The following AGAP1 variants were observed in gnomAD, a reference collection of about 807,000 sequenced individuals.
AGAP1 encodes the protein ArfGAP with GTPase domain, ankyrin repeat and PH domain 1, also known as arf-GAP with GTPase, ANK repeat and PH domain-containing protein 1.
A neutral mutation model predicts 105.3 loss-of-function variants in AGAP1; 29 were observed. That is an observed-to-expected ratio of 0.28 (90% confidence interval 0.21 to 0.38). The LOEUF is 0.38. AGAP1 is among the 10% of genes least tolerant of loss of function. The probability of loss-of-function intolerance (pLI) is 1.00; values close to 1 mark genes in which losing one functional copy is unlikely to be tolerated. For synonymous variants in AGAP1, 509 were observed against 485.9 expected (o/e 1.05, Z -0.63); for missense variants, 998 against 1,165.1 (o/e 0.86, Z 2.09).
chr2:235,562,132 T>A (rs1165967055), intron 1 of AGAP1, among the ~76,000 whole-genome samples: 2 of 152,208 alleles, frequency 1.3e-5, no homozygotes, highest in African/African-American at 4.8e-5. Context: ...AGGAAATCAG[T>A]TTTTAGTTAA....
intron 1 of AGAP1, among the ~76,000 whole-genome samples, chr2:235,579,222 A>C (rs982275602): frequency 6.6e-6 from 1 of 152,182 alleles, no homozygotes; most frequent in Admixed American, 6.5e-5. Flanking sequence ...AGTTCTATTT[A>C]TGCCCAGCTG....
At position 235,891,422 on chromosome 2, in the gene AGAP1, G is replaced by A. The variant is rs1344170271; in HGVS notation, c.1155+7973G>A. The stretch of plus-strand genomic sequence containing the variant: ...TCTCATGGTTTTCAGACACTTTGCT[G>A]GATCACAGTTCAGGTGGATCGAGGG... On this transcript the variant is annotated intron_variant, in intron 10 of 17. Coordinates refer to ENST00000304032, the MANE Select transcript of AGAP1 (RefSeq NM_001037131.3). This position sits in a 1 kb window ranked among gnomAD's most constrained non-coding sequence, Gnocchi z 4.2. 6.6e-6 allele frequency among the ~76,000 whole-genome samples: 1 copy of A among 152,128 alleles called. No individual in the cohort carries two copies. The highest frequency in any genetic ancestry group is 1.5e-5 in the Non-Finnish European group (1 of 68,030).
rs556011363 is a variant in AGAP1, at chr2:236,121,655, A to T, written c.2370+1208A>T. Among the ~76,000 whole-genome samples the T allele has an allele frequency of 6.6e-5, 10 of 152,234 alleles. No homozygotes were observed. The East Asian group carries it at 1.9e-3, about 29-fold the overall frequency. On this transcript the variant is annotated intron_variant, in intron 17 of 17. Coordinates refer to ENST00000304032, the MANE Select transcript of AGAP1 (RefSeq NM_001037131.3). The surrounding 1 kb of genome is among the most constrained non-coding windows in gnomAD (Gnocchi z 4.9). ...TGAATGAGTGAGATATAGACACTACACCAAAATCACACAGATACTCCCTTT... is the reference window on the plus strand; with the variant it reads ...TGAATGAGTGAGATATAGACACTACTCCAAAATCACACAGATACTCCCTTT...
intron 11 of AGAP1, among the ~76,000 whole-genome samples, 169 bp downstream of exon 11, chr2:235,909,075 C>G (rs894641648): frequency 6.6e-6 from 1 of 152,192 alleles, no homozygotes; most frequent in Non-Finnish European, 1.5e-5. Flanking sequence ...TTTAAACTTT[C>G]AGTTCCGCAA....
rs1001257055 is a variant in AGAP1 at position 235,494,769 on chromosome 2, A to G, written c.83A>G (p.Tyr28Cys). 6.3e-7 allele frequency: 1 copy of G among 1,579,218 alleles called. No homozygotes were observed. The highest frequency in any genetic ancestry group is 1.8e-5 in the Admixed American group (1 of 56,600). Reference sequence around the variant, plus strand: ...TTCGAGTCGGTCCACCCCAACATCTACTCCATCTACGAGCTGCTGGAGCGC... The same window carrying G: ...TTCGAGTCGGTCCACCCCAACATCTGCTCCATCTACGAGCTGCTGGAGCGC... ...QRFESVHPNI[Y>C]SIYELLERVE... The change falls in exon 1 of 18, where the codon TAC (tyrosine) becomes TGC (cysteine). Residue 28 changes from tyrosine to cysteine, a missense_variant. Physicochemically the swap from Tyr to Cys is radical, Grantham distance 194 (BLOSUM62 -2). This residue lies in a region of AGAP1 where 735 missense variants were observed against 833.4 expected (regional missense o/e 0.88). Coordinates refer to ENST00000304032, the MANE Select transcript of AGAP1 (RefSeq NM_001037131.3).
rs374045675 is a variant in AGAP1 at position 235,750,400 on chromosome 2, G to A, written c.585G>A (p.Ala195=). ...ANPRVIDDAR[A]RKLSNDLKRC... is the part of the protein sequence containing the mutation. ...CGAGGGTCATCGATGACGCCAGGGC[G>A]AGGAAGCTCTCCAACGACCTGAAAC... The change falls in exon 6 of 18, where the codon GCG becomes GCA. Residue 195 remains alanine (A), a synonymous_variant. Coordinates refer to ENST00000304032, the MANE Select transcript of AGAP1 (RefSeq NM_001037131.3). This position sits in a 1 kb window ranked among gnomAD's most constrained non-coding sequence, Gnocchi z 5.3. 327 of 1,614,204 alleles carry A rather than the reference G, an allele frequency of 2.0e-4. 6 individuals are homozygous for A. In the South Asian group the frequency reaches 3.2e-3, roughly 16 times the overall value.
intron 1 of AGAP1, among the ~76,000 whole-genome samples, chr2:235,520,848 A>G (rs1273252684): frequency 1.3e-5 from 2 of 152,210 alleles, no homozygotes; most frequent in African/African-American, 2.4e-5. Context: ...GATTAAATGT[A>G]CATGGTGCAT....
At chr2:235,950,166 T>C (rs1404399953) in intron 12 of AGAP1, among the ~76,000 whole-genome samples, 1 of 152,136 alleles carries the variant, frequency 6.6e-6, no homozygotes, top group Non-Finnish European at 1.5e-5. Flanking sequence ...TAGCCTGGGT[T>C]ACGGCCCCAG....
chr2:235,609,000 G>A lies in AGAP1; in HGVS notation c.164-100179G>A, dbSNP rs1574956283. On this transcript the variant is annotated intron_variant, in intron 1 of 17. Coordinates refer to ENST00000304032, the MANE Select transcript of AGAP1 (RefSeq NM_001037131.3). The surrounding 1 kb of genome is among the most constrained non-coding windows in gnomAD (Gnocchi z 5.4). The stretch of plus-strand genomic sequence containing the variant: ...AAGTAGTAATAATAATTACAGAAGA[G>A]CAAATTTAAGAAGCTAAGGAGGGAG... 6.6e-6 allele frequency among the ~76,000 whole-genome samples: 1 copy of A among 151,806 alleles called. No individual in the cohort carries two copies. The highest frequency in any genetic ancestry group is 2.1e-4 in the South Asian group (1 of 4,806).
chr2:235,943,602 G>T (rs1174763680), intron 12 of AGAP1, among the ~76,000 whole-genome samples: 1 of 152,038 alleles, frequency 6.6e-6, no homozygotes, highest in East Asian at 1.9e-4. Flanking sequence ...CACCTGCCTC[G>T]GCCTCCCAAA....
chr2:235,698,153 G>T (rs1340386005), intron 1 of AGAP1, among the ~76,000 whole-genome samples: 1 of 152,110 alleles, frequency 6.6e-6, no homozygotes, highest in East Asian at 1.9e-4. Flanking sequence ...CACAGGTGTG[G>T]TTCACAGTGG....
Position 235,610,524 on chromosome 2 carries a change from A to G in AGAP1, c.164-98655A>G, listed in dbSNP as rs1946090787. Among the ~76,000 whole-genome samples, 1 of 151,960 alleles carries G rather than the reference A, an allele frequency of 6.6e-6. No individual in the cohort carries two copies. The highest frequency in any genetic ancestry group is 2.4e-5 in the African/African-American group (1 of 41,348). On this transcript the variant is annotated intron_variant, in intron 1 of 17. Coordinates refer to ENST00000304032, the MANE Select transcript of AGAP1 (RefSeq NM_001037131.3). This position sits in a 1 kb window ranked among gnomAD's most constrained non-coding sequence, Gnocchi z 4.9. ...CCAGCTCTCTGCTGTCTCTTTTTCT[A>G]AGGGTGCTAATTCCATCATGAGGGC...
At chr2:235,857,786 G>A (rs780479509) in intron 9 of AGAP1, among the ~76,000 whole-genome samples, 5 of 152,216 alleles carry the variant, frequency 3.3e-5, no homozygotes, top group African/African-American at 4.8e-5. Context: ...TTGCAAGAAT[G>A]TAGTACAGTC....
intron 12 of AGAP1, among the ~76,000 whole-genome samples, chr2:235,946,285 T>G (rs1298914694): frequency 1.4e-4 from 3 of 21,594 alleles, no homozygotes; most frequent in Non-Finnish European, 2.4e-4. Flanking sequence ...CTTTTTTTCC[T>G]TTTTTTTTTT....
rs377122609 is a variant in AGAP1, at chr2:235,963,131, C to G, written c.1484-5331C>G. Among the ~76,000 whole-genome samples, 1 of 152,290 alleles carries G rather than the reference C, an allele frequency of 6.6e-6. No homozygotes were observed. Among genetic ancestry groups the G allele is most frequent in the South Asian group, 2.1e-4 (1 of 4,826 alleles). ...AAGTGCTGTCTCCTTCCCAAGACTG[C>G]CACTTAGCTGCTTCCTCCAGGTGAG... On this transcript the variant is annotated intron_variant, in intron 12 of 17. Transcript: ENST00000304032. This position sits in a 1 kb window ranked among gnomAD's most constrained non-coding sequence, Gnocchi z 5.1.
Position 235,639,058 on chromosome 2 carries a change from A to G in AGAP1, c.164-70121A>G, listed in dbSNP as rs190276355. Among the ~76,000 whole-genome samples the G allele has an allele frequency of 6.6e-6, 1 of 152,334 alleles. No individual in the cohort carries two copies. The highest frequency in any genetic ancestry group is 1.5e-5 in the Non-Finnish European group (1 of 68,030). On this transcript the variant is annotated intron_variant, in intron 1 of 17. Transcript: ENST00000304032. The surrounding 1 kb of genome is among the most constrained non-coding windows in gnomAD (Gnocchi z 5.3). Reference sequence around the variant, plus strand: ...TCAGTAGGGGTGGAGAGAAGGGGACAAAAGAGTCTTAGAGCCATTTGAGAG... The same window carrying G: ...TCAGTAGGGGTGGAGAGAAGGGGACGAAAGAGTCTTAGAGCCATTTGAGAG...
chr2:235,585,771 C>T (rs779231635), intron 1 of AGAP1, among the ~76,000 whole-genome samples: 1 of 152,138 alleles, frequency 6.6e-6, no homozygotes, highest in Non-Finnish European at 1.5e-5. Context: ...ACCAATCACA[C>T]GCCAACTTTT....
At chr2:235,929,141 C>G (rs899822049) in intron 11 of AGAP1, among the ~76,000 whole-genome samples, 1 of 152,234 alleles carries the variant, frequency 6.6e-6, no homozygotes, top group African/African-American at 2.4e-5. Context: ...TCGCTCCTCC[C>G]ACCTGAGCCC....
intron 9 of AGAP1, among the ~76,000 whole-genome samples, chr2:235,837,439 G>A (rs2106374376): frequency 6.6e-6 from 1 of 152,342 alleles, no homozygotes; most frequent in Admixed American, 6.5e-5. Flanking sequence ...TTCAGGGTCA[G>A]AACAGCTGGG....
Sources: allele counts gnomAD v4.1 joint callset (sites outside exome capture counted in the v4.1 genomes callset), GRCh38; gene constraint gnomAD v4.1.1; regional missense constraint gnomAD v4.1.1; non-coding constraint Gnocchi (gnomAD v3.1); transcripts MANE v1.5; gene names NCBI Gene and HGNC (gene_info 2026-07-23, HGNC 2026-07-21).